Variants in ZEB1 observed in about 807,000 individuals in gnomAD.
ZEB1 encodes zinc finger E-box-binding homeobox 1.
Under a neutral mutation model 84.9 loss-of-function variants are expected in ZEB1, and 21 were observed. That is an observed-to-expected ratio of 0.25 (90% confidence interval 0.18 to 0.36). The LOEUF is 0.36. Among genes scored for constraint, ZEB1 ranks in the 10% least tolerant of loss-of-function variants. The probability of loss-of-function intolerance (pLI) is 1.00; values close to 1 mark genes in which losing one functional copy is unlikely to be tolerated. For missense variants in ZEB1, 1,104 were observed against 1,330.2 expected, an observed-to-expected ratio of 0.83 and a Z score of 2.65; for synonymous variants, 420 against 471.1, an observed-to-expected ratio of 0.89 and a Z score of 1.41.
In ZEB1 at chr10:31,429,683, T is replaced by TAAA. The variant is rs551407003; in HGVS notation, c.59-31342_59-31340dup. Among the ~76,000 whole-genome samples, 45 of 88,462 alleles carry TAAA rather than the reference T, an allele frequency of 5.1e-4. No homozygotes were observed. The East Asian group carries it at 9.6e-3, about 19-fold the overall frequency. The allele number at this position is 88,462 out of a possible 152,430, so 58.0% of individuals were successfully genotyped here. On this transcript the variant is annotated intron_variant, in intron 1 of 8. Transcript: ENST00000424869. ...CACTTGTACCCCTGAATTTAAAAGT[T>TAAA]AAAAAAAAAAAAAAGCCAGTGAATC... is the stretch of plus-strand genomic sequence containing the variant.
Position 31,521,130 on chromosome 10 carries a change from T to C in ZEB1, c.1798T>C (p.Tyr600His), listed in dbSNP as rs2072250242. The change falls in exon 7 of 9, where the codon TAT (tyrosine) becomes CAT (histidine). Residue 600 changes from tyrosine to histidine, a missense_variant. Transcript: ENST00000424869. ...GAACCTCTTGTCTCTCCTAAAAGCA[T>C]ATTATGCTTTGAATGCACAACCAAG... ...LKNLLSLLKA[Y>H]YALNAQPSAE... 1 of 1,614,078 alleles carries C rather than the reference T, an allele frequency of 6.2e-7. No homozygotes were observed. Among genetic ancestry groups the C allele is most frequent in the Non-Finnish European group, 8.5e-7 (1 of 1,179,992 alleles).
intron 1 of ZEB1, among the ~76,000 whole-genome samples, chr10:31,324,023 A>AT (rs932754423): frequency 6.6e-6 from 1 of 150,704 alleles, no homozygotes; most frequent in African/African-American, 2.4e-5. Context: ...CCTGACAGGT[A>AT]TTTCTTGAAT....
chr10:31,524,155 A>G (rs1052708479), intron 8 of ZEB1, 42 bp downstream of exon 8: 3 of 1,563,620 alleles, frequency 1.9e-6, no homozygotes, highest in African/African-American at 1.4e-5. Context: ...ATGATATGAT[A>G]TACTGGAAGA....
intron 1 of ZEB1, among the ~76,000 whole-genome samples, chr10:31,409,222 C>T (rs536748519): frequency 0.023 from 3,490 of 152,086 alleles, 131 homozygotes; most frequent in African/African-American, 0.078. Context: ...GTTAGAATGG[C>T]AATCATTAAA....
chr10:31,360,910 C>G, intron 1 of ZEB1: 1 of 1,470,708 alleles, frequency 6.8e-7, no homozygotes, highest in Non-Finnish European at 9.4e-7. Context: ...AACAGTACTG[C>G]ATGGATGCTC....
chr10:31,383,245 T>A (rs921734369), intron 1 of ZEB1, among the ~76,000 whole-genome samples: 6 of 152,160 alleles, frequency 3.9e-5, no homozygotes, highest in Non-Finnish European at 8.8e-5. Flanking sequence ...CACTATCCAA[T>A]ATGTAGCCAT....
chr10:31,389,934 T>C (rs2049326344), intron 1 of ZEB1, among the ~76,000 whole-genome samples: 2 of 152,120 alleles, frequency 1.3e-5, no homozygotes, highest in Non-Finnish European at 2.9e-5. Context: ...ACGTGGCTAG[T>C]AGGTACCATA....
chr10:31,362,827 T>C (rs1233894100), intron 1 of ZEB1: 1 of 956,092 alleles, frequency 1.0e-6, no homozygotes, highest in South Asian at 1.4e-5. Context: ...ACGCCTGCCC[T>C]GCCGTGTCTT....
At chr10:31,352,246 T>G (rs1248853270) in intron 1 of ZEB1, among the ~76,000 whole-genome samples, 1 of 152,246 alleles carries the variant, frequency 6.6e-6, no homozygotes, top group Non-Finnish European at 1.5e-5. Context: ...TGATTTTAAG[T>G]GCTGAACCAT....
At position 31,434,856 on chromosome 10, in the gene ZEB1, C is replaced by T. The variant is rs74127740; in HGVS notation, c.59-26181C>T. On this transcript the variant is annotated intron_variant, in intron 1 of 8. Coordinates refer to ENST00000424869, the MANE Select transcript of ZEB1 (RefSeq NM_001174096.2). The stretch of plus-strand genomic sequence containing the variant: ...GTTTGTTCATTAGTTCAACAGATGT[C>T]TTATATGCCTTTGTTATGCCCTGTA... 8.4e-3 allele frequency among the ~76,000 whole-genome samples: 1,285 copies of T among 152,230 alleles called. 22 individuals carry two copies. Among genetic ancestry groups the T allele is most frequent in the African/African-American group, 0.027 (1,123 of 41,522 alleles).
At position 31,520,043 on chromosome 10, in the gene ZEB1, C is replaced by T; in HGVS notation, c.794-83C>T. ...GGCAGTCTTCTTTTTAAAATTGATA[C>T]CGCTTGTTTTAGGGAAATGAGGATA... On this transcript the variant is annotated intron_variant, in intron 6 of 8. Transcript: ENST00000424869. The surrounding 1 kb of genome is among the most constrained non-coding windows in gnomAD (Gnocchi z 5.1). The T allele has an allele frequency of 6.6e-7, 1 of 1,525,404 alleles. No homozygotes were observed. The highest frequency in any genetic ancestry group is 8.8e-7 in the Non-Finnish European group (1 of 1,130,732). 94.5% of individuals were successfully genotyped at this position (1,525,404 alleles called of 1,614,324 possible).
chr10:31,359,810 A>G (rs73260037), intron 1 of ZEB1, among the ~76,000 whole-genome samples: 2,357 of 152,292 alleles, frequency 0.015, 56 homozygotes, highest in African/African-American at 0.053. Flanking sequence ...TTTGATTGCT[A>G]GAATAGTTAA....
intron 2 of ZEB1, among the ~76,000 whole-genome samples, chr10:31,461,896 A>G (rs1279787333): frequency 6.6e-6 from 1 of 152,142 alleles, no homozygotes; most frequent in East Asian, 1.9e-4. Flanking sequence ...CTAATAAACT[A>G]ATTAAATTAT....
intron 1 of ZEB1, among the ~76,000 whole-genome samples, chr10:31,346,824 TTAA>T (rs372968877): frequency 1.2e-3 from 180 of 152,296 alleles, no homozygotes; most frequent in African/African-American, 4.2e-3. Flanking sequence ...GCATGCTCAA[TTAA>T]GTCAGTTATC....
intron 2 of ZEB1, among the ~76,000 whole-genome samples, chr10:31,481,686 A>G (rs1228170114): frequency 6.6e-6 from 1 of 151,990 alleles, no homozygotes; most frequent in Non-Finnish European, 1.5e-5. Context: ...TGAATGAATG[A>G]TGAGAGCATG....
intron 1 of ZEB1, among the ~76,000 whole-genome samples, chr10:31,362,500 G>A (rs1201566944): frequency 1.3e-5 from 2 of 150,890 alleles, no homozygotes; most frequent in Non-Finnish European, 3.0e-5. Flanking sequence ...GCCTGGCGGA[G>A]GCACTCCTCA....
intron 1 of ZEB1, among the ~76,000 whole-genome samples, chr10:31,397,494 G>C (rs1175600282): frequency 6.6e-6 from 1 of 151,790 alleles, no homozygotes; most frequent in Non-Finnish European, 1.5e-5. Flanking sequence ...CCTATTTTTG[G>C]ACAGGCATAT....
intron 1 of ZEB1, chr10:31,387,167 C>T: frequency 1.0e-6 from 1 of 985,810 alleles, no homozygotes; most frequent in South Asian, 4.7e-5. Flanking sequence ...AAAGAGGTCC[C>T]TCCTGCACCA....
intron 2 of ZEB1, among the ~76,000 whole-genome samples, chr10:31,482,548 G>T (rs2065183840): frequency 6.6e-6 from 1 of 151,584 alleles, no homozygotes; most frequent in African/African-American, 2.4e-5. Context: ...TAATAGCATT[G>T]TATAATGTTA....
Sources: allele counts gnomAD v4.1 joint callset (sites outside exome capture counted in the v4.1 genomes callset), GRCh38; gene constraint gnomAD v4.1.1; non-coding constraint Gnocchi (gnomAD v3.1); transcripts MANE v1.5; gene names NCBI Gene and HGNC (gene_info 2026-07-23, HGNC 2026-07-21).